Variants in HFM1 observed in about 807,000 individuals in gnomAD.
The protein encoded by HFM1 is helicase for meiosis 1.
HFM1 carries 169 observed loss-of-function variants against 192.1 expected under a neutral mutation model. That is an observed-to-expected ratio of 0.88 (90% CI 0.78 to 1.00). HFM1 has a LOEUF of 1.00. HFM1 is among the 50% of genes least tolerant of loss of function. HFM1 has a pLI of 0.00. For synonymous variants in HFM1, 525 were observed against 537.8 expected (o/e 0.98, Z 0.33); for missense variants, 1,661 against 1,668.0 (o/e 1.00, Z 0.07).
At chr1:91,321,388 G>A (rs1320505942) in intron 23 of HFM1, among the ~76,000 whole-genome samples, 2 of 152,160 alleles carry the variant, frequency 1.3e-5, no homozygotes, top group Non-Finnish European at 2.9e-5. Flanking sequence ...AGGTTGCAGT[G>A]AGCGGAGATC....
intron 13 of HFM1, among the ~76,000 whole-genome samples, chr1:91,357,902 A>T (rs1657961385): frequency 6.6e-6 from 1 of 152,196 alleles, no homozygotes; most frequent in South Asian, 2.1e-4. Flanking sequence ...GAGGTAAAAG[A>T]TCTGTACACT....
In HFM1 at chr1:91,383,319, CT is replaced by C. The variant is rs1354497866; in HGVS notation, c.802+1867del. Among the ~76,000 whole-genome samples the C allele has an allele frequency of 5.9e-5, 9 of 152,272 alleles. No homozygotes were observed. In the East Asian group the frequency reaches 1.4e-3, roughly 23 times the overall value. On this transcript the variant is annotated intron_variant, in intron 6 of 38. Coordinates refer to ENST00000370425, the MANE Select transcript of HFM1 (RefSeq NM_001017975.6). ...AGCCATCGTACAGATAATTAAACAT[CT>C]TTAACAGCTTACTGCTAATATATTT...
intron 30 of HFM1, among the ~76,000 whole-genome samples, chr1:91,290,587 C>T (rs1668630248): frequency 6.6e-6 from 1 of 152,090 alleles, no homozygotes; most frequent in South Asian, 2.1e-4. Flanking sequence ...CTTAGACTCC[C>T]ACACATTAAT....
At chr1:91,283,594 A>G (rs578086020) in intron 30 of HFM1, among the ~76,000 whole-genome samples, 2 of 152,322 alleles carry the variant, frequency 1.3e-5, no homozygotes, top group Admixed American at 1.3e-4. Flanking sequence ...AGCAGATTCC[A>G]TATTCCATCA....
upstream of HFM1, among the ~76,000 whole-genome samples, chr1:91,406,161 C>G (rs548451167): frequency 6.6e-6 from 1 of 152,222 alleles, no homozygotes; most frequent in African/African-American, 2.4e-5. Flanking sequence ...ACGGTATCTG[C>G]AAGCCAGGAA....
intron 20 of HFM1, among the ~76,000 whole-genome samples, chr1:91,335,770 C>A (rs985227347): frequency 1.3e-5 from 2 of 152,098 alleles, no homozygotes; most frequent in African/African-American, 4.8e-5. Context: ...TACTGCAAGA[C>A]GTGTCAGTGA....
intron 20 of HFM1, chr1:91,328,229 G>C (rs1203202105): frequency 6.0e-6 from 3 of 503,014 alleles, no homozygotes; most frequent in Non-Finnish European, 1.0e-5. Flanking sequence ...GCCAGACTAA[G>C]AAGAAAAAGA....
chr1:91,373,642 A>G (rs1224251531), intron 13 of HFM1, among the ~76,000 whole-genome samples: 3 of 151,532 alleles, frequency 2.0e-5, no homozygotes, highest in Non-Finnish European at 4.4e-5. Context: ...TTAAAAGTGT[A>G]TGGTACCCCC....
At chr1:91,292,277 T>A (rs1403680304) in intron 30 of HFM1, among the ~76,000 whole-genome samples, 2 of 121,540 alleles carry the variant, frequency 1.6e-5, no homozygotes, top group Non-Finnish European at 3.4e-5. Context: ...TGTTTGCAGA[T>A]GACATGATTG....
chr1:91,307,080 C>T (rs1308026302), intron 30 of HFM1, among the ~76,000 whole-genome samples: 1 of 151,930 alleles, frequency 6.6e-6, no homozygotes, highest in Non-Finnish European at 1.5e-5. Context: ...TGTTTTCTTT[C>T]TTTCTCTTGA....
At chr1:91,377,972 A>G in intron 11 of HFM1, 53 bp downstream of exon 11, 1 of 1,490,624 alleles carries the variant, frequency 6.7e-7, no homozygotes, top group Non-Finnish European at 9.3e-7. Flanking sequence ...AAGATGACTA[A>G]ATATTTCACA....
intron 30 of HFM1, among the ~76,000 whole-genome samples, chr1:91,302,868 G>T (rs1206799541): frequency 6.6e-6 from 1 of 151,874 alleles, no homozygotes; most frequent in Non-Finnish European, 1.5e-5. Context: ...CACCAACATG[G>T]CACATGTATA....
intron 18 of HFM1, among the ~76,000 whole-genome samples, chr1:91,347,870 T>C (rs761576261): frequency 2.1e-4 from 32 of 152,282 alleles, no homozygotes; most frequent in East Asian, 5.8e-4. Flanking sequence ...CCCACAGATA[T>C]ACATATACAT....
At chr1:91,332,821 T>A (rs547571170) in intron 20 of HFM1, among the ~76,000 whole-genome samples, 1 of 152,116 alleles carries the variant, frequency 6.6e-6, no homozygotes, top group Non-Finnish European at 1.5e-5. Context: ...AAAGAAGACA[T>A]ACAAACAGCA....
At position 91,379,127 on chromosome 1, in the gene HFM1, G is replaced by A. The variant is rs370337662; in HGVS notation, c.1094C>T (p.Thr365Ile). The change falls in exon 9 of 39, where the codon ACT becomes ATT. Residue 365 changes from threonine (T) to isoleucine (I), a missense_variant. Transcript: ENST00000370425. ...TAGATCATCCATTACTGTATCTCCA[G>A]TAAGTTCTTTACAATTCAATCCTAT... is the stretch of plus-strand genomic sequence containing the variant. The part of the protein sequence containing the change: ...GPIGLNCKEL[T>I]GDTVMDDLFE... 5.0e-6 allele frequency: 8 copies of A among 1,606,610 alleles called. No homozygotes were observed. The African/African-American group carries it at 9.4e-5, about 19-fold the overall frequency.
At chr1:91,319,989 GA>G (rs1379343458) in intron 23 of HFM1, among the ~76,000 whole-genome samples, 2 of 152,066 alleles carry the variant, frequency 1.3e-5, no homozygotes, top group Admixed American at 6.6e-5. Context: ...TGTTCAAGGG[GA>G]AAAAAGACAC....
intron 18 of HFM1, among the ~76,000 whole-genome samples, chr1:91,350,306 G>C (rs533623222): frequency 1.3e-5 from 2 of 152,186 alleles, no homozygotes; most frequent in Non-Finnish European, 2.9e-5. Context: ...AGCTTTAGAA[G>C]CAAGATGAAA....
At chr1:91,389,483 G>T (rs1321513619) in intron 4 of HFM1, among the ~76,000 whole-genome samples, 1 of 152,024 alleles carries the variant, frequency 6.6e-6, no homozygotes, top group Non-Finnish European at 1.5e-5. Context: ...GGTCATGAGG[G>T]TACCTCCCCA....
intron 20 of HFM1, among the ~76,000 whole-genome samples, chr1:91,329,867 G>T (rs1653546417): frequency 6.6e-6 from 1 of 152,196 alleles, no homozygotes. Flanking sequence ...GTACAAAAAT[G>T]ATTTCCTGGC....
Sources: allele counts gnomAD v4.1 joint callset (sites outside exome capture counted in the v4.1 genomes callset), GRCh38; gene constraint gnomAD v4.1.1; transcripts MANE v1.5; gene names NCBI Gene and HGNC (gene_info 2026-07-23, HGNC 2026-07-21).